Variants in ATP6V1G3 observed in about 807,000 individuals in gnomAD.
ATP6V1G3 encodes the protein V-type proton ATPase subunit G 3.
ATP6V1G3 carries 9 observed loss-of-function variants against 9.3 expected under a neutral mutation model. The observed-to-expected ratio is 0.97, with a 90% CI of 0.59 to 1.69. The LOEUF is 1.69. Among genes scored for constraint, ATP6V1G3 ranks in the 40% most tolerant of loss-of-function variants. ATP6V1G3 has a pLI of 0.00. For synonymous variants in ATP6V1G3, 43 were observed against 43.8 expected, an observed-to-expected ratio of 0.98 and a Z score of 0.07; for missense variants, 133 against 139.0, an observed-to-expected ratio of 0.96 and a Z score of 0.22.
chr1:198,536,729 C>T (rs1282032248), intron 1 of ATP6V1G3: 6 of 1,601,552 alleles, frequency 3.7e-6, no homozygotes, highest in Admixed American at 1.7e-5. Context: ...GCAGAACTTA[C>T]AGCAGGGGTA....
intron 2 of ATP6V1G3, among the ~76,000 whole-genome samples, chr1:198,524,083 A>G (rs1174704418): frequency 6.6e-6 from 1 of 151,470 alleles, no homozygotes; most frequent in Non-Finnish European, 1.5e-5. Flanking sequence ...TATCAGGAAG[A>G]CAGTCACAAT....
intron 1 of ATP6V1G3, among the ~76,000 whole-genome samples, chr1:198,530,295 T>C (rs1478761640): frequency 6.6e-6 from 1 of 152,168 alleles, no homozygotes; most frequent in Non-Finnish European, 1.5e-5. Context: ...TGTTCTCAGG[T>C]AGCATGAAAG....
intron 1 of ATP6V1G3, among the ~76,000 whole-genome samples, chr1:198,529,833 A>G (rs1265141537): frequency 6.6e-6 from 1 of 152,104 alleles, no homozygotes; most frequent in African/African-American, 2.4e-5. Context: ...TATAAAACCA[A>G]TTGTTTTTAA....
At chr1:198,540,411 A>G (rs1304881332) in intron 1 of ATP6V1G3, among the ~76,000 whole-genome samples, 158 bp downstream of exon 1, 1 of 152,244 alleles carries the variant, frequency 6.6e-6, no homozygotes, top group East Asian at 1.9e-4. Flanking sequence ...AATAAGGAAC[A>G]TATGGCTGGG....
chr1:198,540,889 T>G, upstream of ATP6V1G3: 1 of 559,584 alleles, frequency 1.8e-6, no homozygotes, highest in Admixed American at 3.0e-5. Context: ...TCTGCCAATC[T>G]TAGCTCTTCT....
chr1:198,531,209 C>G (rs1659885571), intron 1 of ATP6V1G3, among the ~76,000 whole-genome samples: 1 of 152,090 alleles, frequency 6.6e-6, no homozygotes, highest in African/African-American at 2.4e-5. Context: ...CAGCAATTTT[C>G]TTGATAGACT....
chr1:198,535,526 TC>T (rs1660076361), intron 1 of ATP6V1G3, among the ~76,000 whole-genome samples: 1 of 151,978 alleles, frequency 6.6e-6, no homozygotes, highest in Non-Finnish European at 1.5e-5. Context: ...AGAAATATTT[TC>T]TTAAGTATGT....
At chr1:198,537,783 G>A (rs1360146208) in intron 1 of ATP6V1G3, among the ~76,000 whole-genome samples, 2 of 152,082 alleles carry the variant, frequency 1.3e-5, no homozygotes, top group Admixed American at 6.6e-5. Flanking sequence ...ATTTATCAGT[G>A]TAAACATCAA....
intron 1 of ATP6V1G3, among the ~76,000 whole-genome samples, 198 bp from the exon 2 acceptor site, chr1:198,529,379 TG>T (rs1305372145): frequency 3.3e-5 from 5 of 151,676 alleles, no homozygotes; most frequent in East Asian, 3.9e-4. Flanking sequence ...TTTTCTAGAA[TG>T]GCAAACTTTG....
intron 1 of ATP6V1G3, among the ~76,000 whole-genome samples, chr1:198,530,496 C>T (rs1659854003): frequency 6.6e-6 from 1 of 152,140 alleles, no homozygotes; most frequent in Non-Finnish European, 1.5e-5. Flanking sequence ...CTTTTAATAT[C>T]TACCACCCTT....
chr1:198,540,196 C>CTGA (rs1283044935), intron 1 of ATP6V1G3, among the ~76,000 whole-genome samples: 1 of 152,106 alleles, frequency 6.6e-6, no homozygotes, highest in African/African-American at 2.4e-5. Flanking sequence ...GAAATGAAAA[C>CTGA]TGATGCTTAT....
At chr1:198,530,062 G>C (rs1378522023) in intron 1 of ATP6V1G3, among the ~76,000 whole-genome samples, 1 of 152,046 alleles carries the variant, frequency 6.6e-6, no homozygotes, top group Non-Finnish European at 1.5e-5. Flanking sequence ...CCACCTTGGG[G>C]CTTAGCTACT....
chr1:198,540,446 C>A, intron 1 of ATP6V1G3, 123 bp downstream of exon 1: 1 of 917,174 alleles, frequency 1.1e-6, no homozygotes, highest in South Asian at 1.4e-5. Flanking sequence ...GGGTGAAGGT[C>A]TCACAGGGAG....
chr1:198,537,757 G>A (rs544184309), intron 1 of ATP6V1G3, among the ~76,000 whole-genome samples: 2 of 152,114 alleles, frequency 1.3e-5, no homozygotes, highest in Admixed American at 1.3e-4. Context: ...AGTTCTTTAA[G>A]GAAGAACTAG....
chr1:198,536,628 C>A (rs371689849), intron 1 of ATP6V1G3: 104 of 1,460,674 alleles, frequency 7.1e-5, no homozygotes, highest in Non-Finnish European at 9.6e-5. Context: ...ATAAATATAA[C>A]CTGTAATCAG....
intron 1 of ATP6V1G3, among the ~76,000 whole-genome samples, chr1:198,531,023 G>C (rs1659877755): frequency 6.6e-6 from 1 of 152,000 alleles, no homozygotes; most frequent in South Asian, 2.1e-4. Flanking sequence ...TCATAGGAAA[G>C]GGTCTGTGTG....
At chr1:198,527,002 C>T (rs1659681125) in intron 2 of ATP6V1G3, among the ~76,000 whole-genome samples, 1 of 152,156 alleles carries the variant, frequency 6.6e-6, no homozygotes, top group Non-Finnish European at 1.5e-5. Context: ...GTACAGCCCA[C>T]ATTGGGATAC....
At chr1:198,538,568 T>C (rs1660212061) in intron 1 of ATP6V1G3, among the ~76,000 whole-genome samples, 1 of 152,114 alleles carries the variant, frequency 6.6e-6, no homozygotes, top group Admixed American at 6.6e-5. Context: ...CATCTTTAAA[T>C]TATCTGGTCT....
intron 1 of ATP6V1G3, chr1:198,536,748 TG>T (rs1358696008): frequency 6.4e-7 from 1 of 1,567,434 alleles, no homozygotes; most frequent in Non-Finnish European, 8.8e-7. Context: ...TAAAAACAAA[TG>T]GAATGAGATC....
Sources: gnomAD v4.1 joint callset for allele counts (sites outside exome capture counted in the v4.1 genomes callset) on GRCh38, gnomAD v4.1.1 for gene constraint, MANE v1.5 for transcripts, NCBI Gene and HGNC (gene_info 2026-07-23, HGNC 2026-07-21) for gene names.